Variants in SLIT2 observed in about 807,000 individuals in gnomAD.
SLIT2 encodes slit homolog 2 protein.
In SLIT2, 41 loss-of-function variants were observed where a neutral mutation model predicts 185.7. The ratio of observed to expected loss-of-function variants is 0.22; its 90% CI spans 0.17 to 0.29. SLIT2 has a LOEUF of 0.29. Among genes scored for constraint, SLIT2 ranks in the 10% least tolerant of loss-of-function variants. The pLI is 1.00. For synonymous variants in SLIT2, 693 were observed against 680.2 expected, an observed-to-expected ratio of 1.02 and a Z score of -0.29; for missense variants, 1,571 against 1,909.0, an observed-to-expected ratio of 0.82 and a Z score of 3.30.
intron 23 of SLIT2, 83 bp downstream of exon 23, chr4:20,548,642 C>T: frequency 3.7e-6 from 3 of 816,280 alleles, no homozygotes; most frequent in Non-Finnish European, 4.2e-6. Context: ...TGCTATTGAA[C>T]AAGACAGTCT....
At chr4:20,272,505 G>T (rs1399606556) in intron 4 of SLIT2, among the ~76,000 whole-genome samples, 1 of 152,052 alleles carries the variant, frequency 6.6e-6, no homozygotes, top group Non-Finnish European at 1.5e-5. Context: ...TTCCTGATAA[G>T]TGTAACCTTA....
intron 4 of SLIT2, among the ~76,000 whole-genome samples, chr4:20,272,069 T>C (rs891163848): frequency 6.6e-6 from 1 of 152,082 alleles, no homozygotes; most frequent in African/African-American, 2.4e-5. Flanking sequence ...TCAGAAATAG[T>C]AGTACAGTTG....
intron 29 of SLIT2, among the ~76,000 whole-genome samples, chr4:20,582,819 G>T (rs1023270707): frequency 6.6e-6 from 1 of 152,128 alleles, no homozygotes; most frequent in Non-Finnish European, 1.5e-5. Context: ...GCACTTTGGG[G>T]CCATTATTAA....
At chr4:20,373,638 T>G (rs953544360) in intron 4 of SLIT2, among the ~76,000 whole-genome samples, 1 of 152,120 alleles carries the variant, frequency 6.6e-6, no homozygotes, top group Non-Finnish European at 1.5e-5. Context: ...TTAGCATTAA[T>G]TTACTCACTT....
At chr4:20,262,418 G>A (rs1281871273) in intron 3 of SLIT2, among the ~76,000 whole-genome samples, 2 of 151,754 alleles carry the variant, frequency 1.3e-5, no homozygotes, top group African/African-American at 4.8e-5. Flanking sequence ...TGTTCATCAA[G>A]GATCTGGATA....
At chr4:20,573,426 G>C (rs1308766233) in intron 29 of SLIT2, among the ~76,000 whole-genome samples, 5 of 152,084 alleles carry the variant, frequency 3.3e-5, no homozygotes, top group Admixed American at 2.6e-4. Flanking sequence ...TCTATGCATC[G>C]CTATGACAAA....
rs558620958 is a variant in SLIT2, at chr4:20,564,572, C to A, written c.2726-2690C>A. On this transcript the variant is annotated intron_variant, in intron 26 of 36. Coordinates refer to ENST00000504154, the MANE Select transcript of SLIT2 (RefSeq NM_004787.4). ...GAAATAAGAAATGATTGTTGAATAA[C>A]TGGGTTTTAAAAGATATGAAAAACA... Among the ~76,000 whole-genome samples, 3 of 151,920 alleles carry A rather than the reference C, an allele frequency of 2.0e-5. No homozygotes were observed. The South Asian group carries it at 6.2e-4, about 31-fold the overall frequency.
chr4:20,432,781 A>G (rs1729089554), intron 4 of SLIT2, among the ~76,000 whole-genome samples: 1 of 152,234 alleles, frequency 6.6e-6, no homozygotes, highest in African/African-American at 2.4e-5. Context: ...TTTCTTGAAT[A>G]GATTCATTAC....
Position 20,546,021 on chromosome 4 carries a change from T to C in SLIT2, c.2277-10T>C, listed in dbSNP as rs1457120972. 1 of 1,490,578 alleles carries C rather than the reference T, an allele frequency of 6.7e-7. No individual in the cohort carries two copies. The highest frequency in any genetic ancestry group is 1.7e-4 in the Middle Eastern group (1 of 5,816). The allele number at this position is 1,490,578 out of a possible 1,614,324, so 92.3% of individuals were successfully genotyped here. ...TTTGTAAGAAGATAATATTGTTCCA[T>C]TGTTTTTAGGTATCTGGATGGAAAC... is the stretch of plus-strand genomic sequence containing the variant. On this transcript the variant is annotated splice_polypyrimidine_tract_variant and intron_variant, in intron 21 of 36. Transcript: ENST00000504154.
intron 29 of SLIT2, among the ~76,000 whole-genome samples, chr4:20,574,717 G>T (rs370517833): frequency 2.0e-5 from 3 of 150,764 alleles, no homozygotes; most frequent in South Asian, 4.2e-4. Flanking sequence ...AACCTAGGAG[G>T]CAGAGGTTGC....
At chr4:20,450,886 G>C (rs181277468) in intron 4 of SLIT2, among the ~76,000 whole-genome samples, 1 of 152,144 alleles carries the variant, frequency 6.6e-6, no homozygotes, top group African/African-American at 2.4e-5. Context: ...CTGTATCCAT[G>C]TTTAGGATGA....
intron 4 of SLIT2, among the ~76,000 whole-genome samples, chr4:20,271,352 A>G (rs1421732604): frequency 6.7e-6 from 1 of 148,206 alleles, no homozygotes; most frequent in Admixed American, 6.8e-5. Context: ...ATATATAAGT[A>G]TTCTATAAAT....
chr4:20,276,972 G>A (rs947113222), intron 4 of SLIT2, among the ~76,000 whole-genome samples: 2 of 152,198 alleles, frequency 1.3e-5, no homozygotes, highest in Admixed American at 6.5e-5. Context: ...GTGTTACCTA[G>A]GTCACTGGGC....
intron 21 of SLIT2, among the ~76,000 whole-genome samples, chr4:20,544,549 G>A (rs189054771): frequency 4.6e-5 from 7 of 152,136 alleles, no homozygotes; most frequent in Admixed American, 4.6e-4. Context: ...TAGCTTATCT[G>A]TTTTGAATTC....
At chr4:20,393,840 G>A (rs553031357) in intron 4 of SLIT2, among the ~76,000 whole-genome samples, 4 of 152,158 alleles carry the variant, frequency 2.6e-5, no homozygotes, top group East Asian at 1.9e-4. Context: ...GCTGAACTGC[G>A]TGGGTTGTTT....
At chr4:20,471,965 AT>A (rs1715085851) in intron 5 of SLIT2, among the ~76,000 whole-genome samples, 3 of 151,790 alleles carry the variant, frequency 2.0e-5, no homozygotes, top group Non-Finnish European at 2.9e-5. Flanking sequence ...TCCAGCCACA[AT>A]TTAAACTACT....
chr4:20,292,292 C>T (rs962002837), intron 4 of SLIT2, among the ~76,000 whole-genome samples: 17 of 152,098 alleles, frequency 1.1e-4, no homozygotes, highest in African/African-American at 3.9e-4. Flanking sequence ...TGATTAGAAT[C>T]GTTGCAGCCA....
intron 5 of SLIT2, among the ~76,000 whole-genome samples, chr4:20,473,399 CT>C (rs1715772904): frequency 6.6e-6 from 1 of 151,836 alleles, no homozygotes. Context: ...GTATGATTCT[CT>C]TTAGGTAAGC....
chr4:20,598,171 G>A, intron 32 of SLIT2, 94 bp from the exon 33 acceptor site: 1 of 1,211,156 alleles, frequency 8.3e-7, no homozygotes, highest in Non-Finnish European at 1.1e-6. Context: ...ATAAACCATA[G>A]TAAAACCTGT....
Sources: gnomAD v4.1 joint callset for allele counts (sites outside exome capture counted in the v4.1 genomes callset) on GRCh38, gnomAD v4.1.1 for gene constraint, MANE v1.5 for transcripts, NCBI Gene and HGNC (gene_info 2026-07-23, HGNC 2026-07-21) for gene names.